The following TLR5 variants were observed in gnomAD, a reference collection of about 807,000 sequenced individuals.
TLR5 encodes the protein toll-like receptor 5.
For synonymous variants in TLR5, 373 were observed against 384.4 expected (o/e 0.97, Z 0.35); for missense variants, 944 against 999.8 (o/e 0.94, Z 0.75).
intron 5 of TLR5, among the ~76,000 whole-genome samples, chr1:223,129,760 C>A (rs928349095): frequency 6.6e-6 from 1 of 152,220 alleles, no homozygotes; most frequent in African/African-American, 2.4e-5. Context: ...CTCCTCAGAG[C>A]CATCACACGC....
intron 1 of TLR5, among the ~76,000 whole-genome samples, chr1:223,142,821 C>A (rs1452088151): frequency 6.6e-6 from 1 of 152,170 alleles, no homozygotes; most frequent in Non-Finnish European, 1.5e-5. Flanking sequence ...GACAAGCCAC[C>A]TGCCTCTTCC....
chr1:223,110,495 T>C lies in TLR5; in HGVS notation c.2537A>G (p.Asp846Gly), dbSNP rs5744177. ...TACAGTTTGCAACGGAATGTTATTGTCTTTCTTCTTTTCTTTTTCTTTCTT... is the reference window on the plus strand; with the variant it reads ...TACAGTTTGCAACGGAATGTTATTGCCTTTCTTCTTTTCTTTTTCTTTCTT... ...ILKKEKEKKK[D>G]NNIPLQTVAT... Residue 846 changes from aspartate to glycine, a missense_variant, in exon 6 of 6, where the codon GAC (aspartate) becomes GGC (glycine). By Grantham distance (94) the Asp-to-Gly change is moderately conservative. Transcript: ENST00000642603. 14,079 of 1,614,160 alleles carry C rather than the reference T, an allele frequency of 8.7e-3. 81 individuals are homozygous for C. The highest frequency in any genetic ancestry group is 0.014 in the Middle Eastern group (85 of 6,060).
intron 3 of TLR5, 131 bp from the exon 4 acceptor site, chr1:223,134,995 C>T (rs1571763978): frequency 6.6e-6 from 1 of 152,258 alleles, no homozygotes; most frequent in Non-Finnish European, 1.5e-5. Flanking sequence ...CAGTTAGATA[C>T]GAAATGGGAA....
chr1:223,110,796 C>A lies in TLR5; in HGVS notation c.2236G>T (p.Asp746Tyr), dbSNP rs774071799. 1 of 1,614,218 alleles carries A rather than the reference C, an allele frequency of 6.2e-7. No homozygotes were observed. The highest frequency in any genetic ancestry group is 1.1e-5 in the South Asian group (1 of 91,084). The change falls in exon 6 of 6, where the codon GAT becomes TAT. Residue 746 changes from aspartate to tyrosine, a missense_variant. Physicochemically the swap from Asp to Tyr is radical, Grantham distance 160. Transcript: ENST00000642603. ...ATCTTTCTACTGTTCCAGATGGCAT[C>A]CTGGATATTGGCAATGCGGTTTTCT... The part of the protein sequence containing the change: ...PGENRIANIQ[D>Y]AIWNSRKIVC...
intron 5 of TLR5, among the ~76,000 whole-genome samples, chr1:223,120,894 C>A (rs1003756290): frequency 1.3e-5 from 2 of 152,114 alleles, no homozygotes; most frequent in African/African-American, 2.4e-5. Context: ...CCAGCCTGGG[C>A]AATATGGCAA....
rs1432338110 is a variant in TLR5, at chr1:223,109,990, T to A, written c.*465A>T. On this transcript the variant is annotated 3_prime_UTR_variant, in exon 6 of 6. Coordinates refer to ENST00000642603, the MANE Select transcript of TLR5 (RefSeq NM_003268.6). The stretch of plus-strand genomic sequence containing the variant: ...TTGCACTCAACAGTGGCATTGTTTC[T>A]GTGGCAAAAGAAGGAAATGTGCCTC... 1 of 199,032 alleles carries A rather than the reference T, an allele frequency of 5.0e-6. No homozygotes were observed. Among genetic ancestry groups the A allele is most frequent in the East Asian group, 1.3e-4 (1 of 7,456 alleles). 12.3% of individuals were successfully genotyped at this position (199,032 alleles called of 1,614,324 possible).
intron 4 of TLR5, among the ~76,000 whole-genome samples, chr1:223,133,253 A>C (rs1479439720): frequency 6.6e-6 from 1 of 152,220 alleles, no homozygotes; most frequent in Non-Finnish European, 1.5e-5. Flanking sequence ...CTAAGATCTC[A>C]CATTTATTAC....
At chr1:223,124,462 A>AGG in intron 5 of TLR5, among the ~76,000 whole-genome samples, 1 of 150,470 alleles carries the variant, frequency 6.6e-6, no homozygotes, top group East Asian at 1.9e-4. Context: ...AAAAAAAAGA[A>AGG]AAAGAAAAAA....
At chr1:223,117,402 G>A (rs928685985) in intron 5 of TLR5, among the ~76,000 whole-genome samples, 8 of 151,994 alleles carry the variant, frequency 5.3e-5, no homozygotes, top group African/African-American at 1.9e-4. Context: ...CCGGTGGGCT[G>A]AAGGGCTCCT....
chr1:223,126,365 C>T (rs1657166144), intron 5 of TLR5, among the ~76,000 whole-genome samples: 1 of 152,070 alleles, frequency 6.6e-6, no homozygotes, highest in East Asian at 1.9e-4. Context: ...GGGGAGTTAG[C>T]GTTTAATGGG....
In TLR5 at chr1:223,131,559, GTTTGTT is replaced by G. The variant is rs1000598742; in HGVS notation, c.-5+910_-5+915del. 1.3e-5 allele frequency among the ~76,000 whole-genome samples: 2 copies of G among 152,142 alleles called. No homozygotes were observed. The highest frequency in any genetic ancestry group is 2.9e-5 in the Non-Finnish European group (2 of 68,024). ...ACTTCTCACACTTCTATGTGCACTAGTTTGTTTTTGTTTTTTTGTTTTGCGGCAAGA... is the reference window on the plus strand; with the variant it reads ...ACTTCTCACACTTCTATGTGCACTAGTTTGTTTTTTTGTTTTGCGGCAAGA... On this transcript the variant is annotated intron_variant, in intron 5 of 5. Coordinates refer to ENST00000642603, the MANE Select transcript of TLR5 (RefSeq NM_003268.6). This position sits in a 1 kb window ranked among gnomAD's most constrained non-coding sequence, Gnocchi z 4.2.
intron 2 of TLR5, among the ~76,000 whole-genome samples, chr1:223,137,582 C>A (rs2102939356): frequency 6.6e-6 from 1 of 152,204 alleles, no homozygotes; most frequent in South Asian, 2.1e-4. Context: ...GTTGCAACAC[C>A]CTGTCACTGG....
chr1:223,141,181 G>A (rs1657822297), intron 2 of TLR5, among the ~76,000 whole-genome samples: 1 of 152,164 alleles, frequency 6.6e-6, no homozygotes, highest in African/African-American at 2.4e-5. Context: ...AAATAAACAG[G>A]AGAGTTTTGC....
At chr1:223,114,320 T>A (rs1656518713) in intron 5 of TLR5, among the ~76,000 whole-genome samples, 1 of 152,176 alleles carries the variant, frequency 6.6e-6, no homozygotes, top group African/African-American at 2.4e-5. Flanking sequence ...TGCAGAGAGC[T>A]TGGTGTCTAT....
At chr1:223,117,916 C>A (rs72748473) in intron 5 of TLR5, among the ~76,000 whole-genome samples, 1,849 of 152,344 alleles carry the variant, frequency 0.012, 16 homozygotes, top group Non-Finnish European at 0.019. Context: ...ATTCTCCACA[C>A]AGGCACTGGC....
intron 5 of TLR5, chr1:223,129,059 G>A (rs1657289349): frequency 2.0e-5 from 3 of 152,212 alleles, no homozygotes; most frequent in African/African-American, 7.2e-5. Context: ...CCTTGAAAGT[G>A]CCCTTGAACT....
chr1:223,116,004 G>A (rs1656616584), intron 5 of TLR5, among the ~76,000 whole-genome samples: 1 of 151,884 alleles, frequency 6.6e-6, no homozygotes, highest in Non-Finnish European at 1.5e-5. Flanking sequence ...TGCTCTTACT[G>A]TGGCGAGATC....
chr1:223,116,612 T>G (rs1239458828), intron 5 of TLR5, among the ~76,000 whole-genome samples: 2 of 152,194 alleles, frequency 1.3e-5, no homozygotes, highest in African/African-American at 2.4e-5. Flanking sequence ...CTGCCACTGC[T>G]GGCCGCCGCA....
intron 1 of TLR5, 85 bp from the exon 2 acceptor site, chr1:223,141,848 G>GAGAGAA (rs1553271509): frequency 6.9e-4 from 94 of 135,300 alleles, no homozygotes; most frequent in African/African-American, 2.7e-3. Flanking sequence ...GAGAGAGAGA[G>GAGAGAA]AGAGAGAGAA....
Sources: allele counts gnomAD v4.1 joint callset (sites outside exome capture counted in the v4.1 genomes callset), GRCh38; gene constraint gnomAD v4.1.1; non-coding constraint Gnocchi (gnomAD v3.1); transcripts MANE v1.5; gene names NCBI Gene and HGNC (gene_info 2026-07-23, HGNC 2026-07-21).